Variants in PTK2B observed in about 807,000 individuals in gnomAD.
The protein encoded by PTK2B is protein-tyrosine kinase 2-beta.
In PTK2B, 71 loss-of-function variants were observed where a neutral mutation model predicts 142.9. The observed-to-expected ratio is 0.50, with a 90% CI of 0.41 to 0.61. PTK2B has a LOEUF of 0.61. Ranked by LOEUF, PTK2B falls within the 20% of genes least tolerant of loss-of-function variation. PTK2B has a pLI of 0.00. For missense variants in PTK2B, 1,105 were observed against 1,320.4 expected (o/e 0.84, Z 2.53); for synonymous variants, 519 against 503.4 (o/e 1.03, Z -0.42).
intron 1 of PTK2B, among the ~76,000 whole-genome samples, chr8:27,389,261 G>A (rs141277668): frequency 0.011 from 1,670 of 152,198 alleles, 18 homozygotes; most frequent in Middle Eastern, 0.048. Flanking sequence ...AGAGAGGAGG[G>A]AAGGAAGGAA....
chr8:27,333,535 C>T (rs1803882951), intron 1 of PTK2B, among the ~76,000 whole-genome samples: 1 of 152,208 alleles, frequency 6.6e-6, no homozygotes, highest in African/African-American at 2.4e-5. Flanking sequence ...GTGGAGCATG[C>T]AGGCATCCCC....
chr8:27,450,798 G>A lies in PTK2B; in HGVS notation c.2390G>A (p.Trp797Ter). Residue 797 changes from tryptophan to a stop codon, truncating the protein, a stop_gained, in exon 25 of 31, where the codon TGG (tryptophan) becomes TAG (stop). Coordinates refer to ENST00000346049, the MANE Select transcript of PTK2B (RefSeq NM_173176.3). LOFTEE classifies it high-confidence loss of function. ...AGCCGAGAAGAGGCCCAGCAGCTGT[G>A]GGAGGCTGAAAAGGTCAAAATGCGG... Reference protein sequence around the residue: ...PSSREEAQQLWEAEKVKMRQI... With the variant: ...PSSREEAQQL 6.2e-7 allele frequency: 1 copy of A among 1,614,172 alleles called. No individual in the cohort carries two copies. Among genetic ancestry groups the A allele is most frequent in the Non-Finnish European group, 8.5e-7 (1 of 1,180,014 alleles).
At chr8:27,414,875 A>G (rs1207331367) in intron 2 of PTK2B, among the ~76,000 whole-genome samples, 2 of 144,798 alleles carry the variant, frequency 1.4e-5, no homozygotes, top group East Asian at 2.0e-4. Context: ...CACTCCAACC[A>G]TCTCTCTTGG....
chr8:27,310,665 A>G, upstream of PTK2B: 2 of 992,990 alleles, frequency 2.0e-6, no homozygotes, highest in Non-Finnish European at 2.9e-6. Context: ...TGGGTCGGAG[A>G]GGTGGGGTCC....
chr8:27,413,292 T>C (rs573391309), intron 2 of PTK2B, among the ~76,000 whole-genome samples: 14 of 152,356 alleles, frequency 9.2e-5, no homozygotes, highest in Non-Finnish European at 1.9e-4. Flanking sequence ...CTACAGAAGA[T>C]GTGCTGCATG....
intron 1 of PTK2B, among the ~76,000 whole-genome samples, chr8:27,341,300 C>T (rs1484435537): frequency 6.6e-6 from 1 of 152,200 alleles, no homozygotes; most frequent in Non-Finnish European, 1.5e-5. Flanking sequence ...GCCCCTTTGT[C>T]TCCCAATCAT....
intron 3 of PTK2B, among the ~76,000 whole-genome samples, chr8:27,314,079 C>A (rs980172865): frequency 6.6e-6 from 1 of 152,222 alleles, no homozygotes; most frequent in Non-Finnish European, 1.5e-5. Flanking sequence ...GGAAGAAATG[C>A]ATGTTCGTAG....
chr8:27,384,370 A>G (rs973192515), intron 1 of PTK2B, among the ~76,000 whole-genome samples: 1 of 152,196 alleles, frequency 6.6e-6, no homozygotes, highest in Non-Finnish European at 1.5e-5. Context: ...TGTTGATTTT[A>G]TATCCTGCAA....
upstream of PTK2B, chr8:27,311,397 G>T (rs35118662): frequency 4.3e-5 from 40 of 940,572 alleles, no homozygotes; most frequent in African/African-American, 5.9e-4. Context: ...GGATGGCGAG[G>T]GGGAGGGAGG....
intron 1 of PTK2B, among the ~76,000 whole-genome samples, chr8:27,339,144 T>C (rs1251685701): frequency 1.3e-5 from 2 of 152,226 alleles, no homozygotes; most frequent in East Asian, 1.9e-4. Flanking sequence ...CTGCGCAGGG[T>C]CCTGGAGGCA....
intron 9 of PTK2B, 37 bp downstream of exon 9, chr8:27,431,509 C>A: frequency 3.1e-6 from 5 of 1,611,676 alleles, no homozygotes; most frequent in Non-Finnish European, 4.2e-6. Flanking sequence ...CAGCCCCAGG[C>A]GGGGAGGTCG....
chr8:27,413,706 CATTT>C (rs1391364111), intron 2 of PTK2B, among the ~76,000 whole-genome samples: 1 of 152,130 alleles, frequency 6.6e-6, no homozygotes, highest in East Asian at 1.9e-4. Context: ...TTTTTTTGTG[CATTT>C]GTTTAGTACA....
At chr8:27,426,633 A>G (rs1810102382) in intron 5 of PTK2B, among the ~76,000 whole-genome samples, 3 of 152,216 alleles carry the variant, frequency 2.0e-5, no homozygotes, top group African/African-American at 7.2e-5. Context: ...AGAAACACCC[A>G]GATTGTGGCA....
At chr8:27,330,424 T>TC in intron 1 of PTK2B, among the ~76,000 whole-genome samples, 1 of 152,336 alleles carries the variant, frequency 6.6e-6, no homozygotes, top group South Asian at 2.1e-4. Context: ...TTCTGCCTAA[T>TC]CCCACTCTCA....
upstream of PTK2B, chr8:27,310,861 G>A (rs1292604559): frequency 6.8e-6 from 11 of 1,610,188 alleles, no homozygotes; most frequent in African/African-American, 1.3e-5. Context: ...GTCGGGGGTC[G>A]GCCTGGCAGG....
At chr8:27,453,916 G>A (rs1016196312) in intron 28 of PTK2B, 37 of 505,464 alleles carry the variant, frequency 7.3e-5, no homozygotes, top group Admixed American at 1.6e-4. Context: ...TCCAGGTGGT[G>A]GTTCTAATAG....
chr8:27,311,927 G>A (rs1043017640), intron 1 of PTK2B, among the ~76,000 whole-genome samples: 1 of 152,188 alleles, frequency 6.6e-6, no homozygotes, highest in Non-Finnish European at 1.5e-5. Context: ...ATTTACTCAT[G>A]AGTACAATGG....
intron 3 of PTK2B, among the ~76,000 whole-genome samples, chr8:27,317,766 C>G (rs912488930): frequency 6.6e-6 from 1 of 152,184 alleles, no homozygotes; most frequent in South Asian, 2.1e-4. Flanking sequence ...ATTCCCTGCT[C>G]GGCCCCTGTA....
chr8:27,319,270 T>C (rs1044211849), intron 3 of PTK2B, among the ~76,000 whole-genome samples: 1 of 150,482 alleles, frequency 6.6e-6, no homozygotes, highest in African/African-American at 2.5e-5. Flanking sequence ...ATCTCTCCCC[T>C]CTACAGATTT....
Sources: gnomAD v4.1 joint callset for allele counts (sites outside exome capture counted in the v4.1 genomes callset) on GRCh38, gnomAD v4.1.1 for gene constraint, MANE v1.5 for transcripts, NCBI Gene and HGNC (gene_info 2026-07-23, HGNC 2026-07-21) for gene names.